The following EIF2B2 variants were observed in gnomAD, a reference collection of about 807,000 sequenced individuals.
EIF2B2 encodes eukaryotic translation initiation factor 2B subunit beta.
Under a neutral mutation model 34.7 loss-of-function variants are expected in EIF2B2, and 34 were observed. That is an observed-to-expected ratio of 0.98 (90% CI 0.75 to 1.31). The LOEUF (loss-of-function observed/expected upper bound fraction) is 1.31. Among genes scored for constraint, EIF2B2 ranks in the 50% most tolerant of loss-of-function variants. The pLI is 0.00. For synonymous variants in EIF2B2, 155 were observed against 171.6 expected (o/e 0.90, Z 0.76); for missense variants, 361 against 447.7 (o/e 0.81, Z 1.75).
chr14:75,006,453 C>A lies in EIF2B2; in HGVS notation c.694-124C>A. ...TGTATTGAGCCAGGGATCCCTTCAC[C>A]TCTACCAGTCTGTGACCCCTCACGA... On this transcript the variant is annotated intron_variant, in intron 5 of 7. Coordinates refer to ENST00000266126, the MANE Select transcript of EIF2B2 (RefSeq NM_014239.4). The surrounding 1 kb of genome is among the most constrained non-coding windows in gnomAD (Gnocchi z 4.1). The A allele has an allele frequency of 7.3e-7, 1 of 1,375,744 alleles. No homozygotes were observed. The highest frequency in any genetic ancestry group is 1.0e-6 in the Non-Finnish European group (1 of 989,932). The allele number at this position is 1,375,744 out of a possible 1,614,324, so 85.2% of individuals were successfully genotyped here.
At position 75,006,951 on chromosome 14, in the gene EIF2B2, G is replaced by C; in HGVS notation, c.831+237G>C. On this transcript the variant is annotated intron_variant, in intron 6 of 7. Transcript: ENST00000266126. This position sits in a 1 kb window ranked among gnomAD's most constrained non-coding sequence, Gnocchi z 4.1. ...AGATTGTAAGGACAATATGTAGTTGGGAAAGGTCCTTTGCTTACGATTGCC... is the reference window on the plus strand; with the variant it reads ...AGATTGTAAGGACAATATGTAGTTGCGAAAGGTCCTTTGCTTACGATTGCC... The C allele has an allele frequency of 1.5e-6, 1 of 688,944 alleles. No individual in the cohort carries two copies. The highest frequency in any genetic ancestry group is 1.5e-5 in the South Asian group (1 of 67,334). 42.7% of individuals were successfully genotyped at this position (688,944 alleles called of 1,614,324 possible). A position where few individuals can be genotyped will look rare whatever the true frequency, so the allele number is the denominator to read the frequency against.
At chr14:75,005,370 C>T (rs559871451) in intron 4 of EIF2B2, among the ~76,000 whole-genome samples, 2 of 149,300 alleles carry the variant, frequency 1.3e-5, no homozygotes, top group East Asian at 2.0e-4. Context: ...GAGCAAGACT[C>T]TGTCTCAAAA....
In EIF2B2 at chr14:75,006,322, C is replaced by T; in HGVS notation, c.694-255C>T. 1.7e-6 allele frequency: 1 copy of T among 583,288 alleles called. No homozygotes were observed. Among genetic ancestry groups the T allele is most frequent in the Non-Finnish European group, 3.0e-6 (1 of 331,218 alleles). 36.1% of individuals were successfully genotyped at this position (583,288 alleles called of 1,614,324 possible). A position where few individuals can be genotyped will look rare whatever the true frequency, so the allele number is the denominator to read the frequency against. On this transcript the variant is annotated intron_variant, in intron 5 of 7. Coordinates refer to ENST00000266126, the MANE Select transcript of EIF2B2 (RefSeq NM_014239.4). This position sits in a 1 kb window ranked among gnomAD's most constrained non-coding sequence, Gnocchi z 4.1. ...ATTCCTGGCTTCTCAGAAGGTATGG[C>T]ATCTCAATTTCCAGAAAATATGGGA...
In EIF2B2 at chr14:75,006,518, A is replaced by T. The variant is rs145488081; in HGVS notation, c.694-59A>T. Reference sequence around the variant, plus strand: ...TCTAAGCATTTAGCTTTTTGTGGCCAGTGGCCCTTTTAGGGCTCCACCCCC... The same window carrying T: ...TCTAAGCATTTAGCTTTTTGTGGCCTGTGGCCCTTTTAGGGCTCCACCCCC... On this transcript the variant is annotated intron_variant, in intron 5 of 7. Coordinates refer to ENST00000266126, the MANE Select transcript of EIF2B2 (RefSeq NM_014239.4). This position sits in a 1 kb window ranked among gnomAD's most constrained non-coding sequence, Gnocchi z 4.1. The T allele has an allele frequency of 0.023, 37,000 of 1,607,278 alleles. 506 individuals are homozygous for T. Among genetic ancestry groups the T allele is most frequent in the Middle Eastern group, 0.03 (172 of 5,814 alleles).
chr14:75,003,435 C>T, intron 2 of EIF2B2, 40 bp downstream of exon 2: 1 of 1,613,958 alleles, frequency 6.2e-7, no homozygotes, highest in Non-Finnish European at 8.5e-7. Flanking sequence ...GATCCAGTGA[C>T]ACTTTTTGCA....
Position 75,011,600 on chromosome 14 carries a change from A to T in EIF2B2, c.*2412A>T, listed in dbSNP as rs1317535781. On this transcript the variant is annotated 3_prime_UTR_variant, in exon 8 of 8. Coordinates refer to ENST00000266126, the MANE Select transcript of EIF2B2 (RefSeq NM_014239.4). ...GTCTTCCAGAGAGGGGAAAAAAGTAAGACCTCAGAAAGTCGGCATTTTACA... is the reference window on the plus strand; with the variant it reads ...GTCTTCCAGAGAGGGGAAAAAAGTATGACCTCAGAAAGTCGGCATTTTACA... 1 of 152,232 alleles carries T rather than the reference A, an allele frequency of 6.6e-6. No homozygotes were observed. The highest frequency in any genetic ancestry group is 1.5e-5 in the Non-Finnish European group (1 of 68,042). 9.4% of individuals were successfully genotyped at this position (152,232 alleles called of 1,614,324 possible).
At chr14:75,007,926 G>C (rs1889651552) in intron 7 of EIF2B2, 138 bp downstream of exon 7, 1 of 807,842 alleles carries the variant, frequency 1.2e-6, no homozygotes. Context: ...CATACTTCTT[G>C]TGGGGACTGT....
Position 75,009,357 on chromosome 14 carries a change from C to T in EIF2B2, c.*169C>T, listed in dbSNP as rs566966733. On this transcript the variant is annotated 3_prime_UTR_variant, in exon 8 of 8. Transcript: ENST00000266126. ...CTTTTTAGTCACCCCGTAACAAGGG[C>T]ACACATCCAGGACTGTGTCTTGCCT... 837 of 756,548 alleles carry T rather than the reference C, an allele frequency of 1.1e-3. 1 individual carries two copies. Among genetic ancestry groups the T allele is most frequent in the Admixed American group, 1.8e-3 (91 of 49,542 alleles). 46.9% of individuals were successfully genotyped at this position (756,548 alleles called of 1,614,324 possible). A position where few individuals can be genotyped will look rare whatever the true frequency, so the allele number is the denominator to read the frequency against.
rs150937766 is a variant in EIF2B2 at position 75,008,427 on chromosome 14, A to G, written c.899-604A>G. 4.4e-5 allele frequency: 8 copies of G among 181,290 alleles called. No homozygotes were observed. In the East Asian group the frequency reaches 8.2e-4, roughly 19 times the overall value. 11.2% of individuals were successfully genotyped at this position (181,290 alleles called of 1,614,324 possible). On this transcript the variant is annotated intron_variant, in intron 7 of 7. Transcript: ENST00000266126. ...AAGAAATAGTTATTGAGCACCTACA[A>G]TGTATCCAGCACTCTTCTAGGCACT... is the stretch of plus-strand genomic sequence containing the variant.
At chr14:75,007,848 A>G (rs1889650314) in intron 7 of EIF2B2, 60 bp downstream of exon 7, 1 of 1,548,522 alleles carries the variant, frequency 6.5e-7, no homozygotes, top group East Asian at 2.2e-5. Context: ...TTGTGTGTGC[A>G]TGTGTTTTGG....
chr14:75,007,643 A>AT (rs1418857233), intron 6 of EIF2B2, 79 bp from the exon 7 acceptor site: 6 of 1,207,662 alleles, frequency 5.0e-6, no homozygotes, highest in Non-Finnish European at 7.3e-6. Flanking sequence ...CTGTGTGGAC[A>AT]TATGTTTTCA....
At chr14:75,003,222 C>T in intron 1 of EIF2B2, 53 bp from the exon 2 acceptor site, 1 of 1,613,390 alleles carries the variant, frequency 6.2e-7, no homozygotes, top group Non-Finnish European at 8.5e-7. Flanking sequence ...CTGAAAATTT[C>T]CCAGGCCTCA....
chr14:75,007,566 A>G, intron 6 of EIF2B2, 156 bp from the exon 7 acceptor site: 1 of 618,586 alleles, frequency 1.6e-6, no homozygotes, highest in South Asian at 1.8e-5. Flanking sequence ...GTTTATGGGC[A>G]TTTGGGTTGG....
rs1025341985 is a variant in EIF2B2, at chr14:75,004,015, C to T, written c.433+316C>T. On this transcript the variant is annotated intron_variant, in intron 3 of 7. Coordinates refer to ENST00000266126, the MANE Select transcript of EIF2B2 (RefSeq NM_014239.4). ...AGAGCCAAGGTCGATAGACCTCCTT[C>T]ACTATCTGAATTTTTATACACACGT... is the stretch of plus-strand genomic sequence containing the variant. Among the ~76,000 whole-genome samples, 6 of 152,340 alleles carry T rather than the reference C, an allele frequency of 3.9e-5. No homozygotes were observed. In the East Asian group the frequency reaches 9.6e-4, roughly 24 times the overall value.
In EIF2B2 at chr14:75,009,226, T is replaced by C. The variant is rs750077642; in HGVS notation, c.*38T>C. 24 of 1,612,048 alleles carry C rather than the reference T, an allele frequency of 1.5e-5. No homozygotes were observed. In the South Asian group the frequency reaches 2.4e-4, roughly 16 times the overall value. On this transcript the variant is annotated 3_prime_UTR_variant, in exon 8 of 8. Coordinates refer to ENST00000266126, the MANE Select transcript of EIF2B2 (RefSeq NM_014239.4). ...GTCCTAAGCAGATTGCTTAGGCAGA[T>C]ACAGAATGAAGAGGAGACTTGAGTG...
chr14:75,003,003 G>A lies in EIF2B2; in HGVS notation c.13G>A (p.Ala5Thr), dbSNP rs1225416670. MPGS[A>T]AKGSELSERI... ...AGCTACCTTAAAGATGCCGGGATCCGCAGCGAAGGGCTCGGAGTTGTCAGA... is the reference window on the plus strand; with the variant it reads ...AGCTACCTTAAAGATGCCGGGATCCACAGCGAAGGGCTCGGAGTTGTCAGA... Residue 5 changes from alanine to threonine, a missense_variant, in exon 1 of 8, where the codon GCA (alanine) becomes ACA (threonine). By Grantham distance (58) the Ala-to-Thr change is moderately conservative. Coordinates refer to ENST00000266126, the MANE Select transcript of EIF2B2 (RefSeq NM_014239.4). The A allele has an allele frequency of 7.4e-6, 12 of 1,614,026 alleles. No homozygotes were observed. Among genetic ancestry groups the A allele is most frequent in the African/African-American group, 2.7e-5 (2 of 74,940 alleles).
chr14:75,005,830 C>T lies in EIF2B2; in HGVS notation c.598-36C>T, dbSNP rs193280751. 1.5e-4 allele frequency: 235 copies of T among 1,520,072 alleles called. No homozygotes were observed. The African/African-American group carries it at 2.9e-3, about 19-fold the overall frequency. The allele number at this position is 1,520,072 out of a possible 1,614,324, so 94.2% of individuals were successfully genotyped here. A position where few individuals can be genotyped will look rare whatever the true frequency, so the allele number is the denominator to read the frequency against. On this transcript the variant is annotated intron_variant, in intron 4 of 7. Transcript: ENST00000266126. ...AGAGCACTTTTCACTATTTCTCACT[C>T]TTTCTCTTAGAATCAGCCTTTCCCT...
In EIF2B2 at chr14:75,009,852, T is replaced by A. The variant is rs544146931; in HGVS notation, c.*664T>A. On this transcript the variant is annotated 3_prime_UTR_variant, in exon 8 of 8. Transcript: ENST00000266126. ...ATCCTGTCTCTACAAAAAAATATTT[T>A]AAAAAATTAGCCAGACATGGTGGCA... is the stretch of plus-strand genomic sequence containing the variant. 2.1e-4 allele frequency: 32 copies of A among 154,100 alleles called. No individual in the cohort carries two copies. In the South Asian group the frequency reaches 5.9e-3, roughly 28 times the overall value. The allele number at this position is 154,100 out of a possible 1,614,324, so 9.5% of individuals were successfully genotyped here. A position where few individuals can be genotyped will look rare whatever the true frequency, so the allele number is the denominator to read the frequency against.
At position 75,007,720 on chromosome 14, in the gene EIF2B2, A is replaced by G. The variant is rs752278683; in HGVS notation, c.832-2A>G. On this transcript the variant is annotated splice_acceptor_variant, in intron 6 of 7. Transcript: ENST00000266126. LOFTEE classifies it high-confidence loss of function. ...AGTTTTTATAAATTTTTTCCTTTTT[A>G]GTTCCCCAATGAAGAAGACTCATTT... 13 of 1,613,298 alleles carry G rather than the reference A, an allele frequency of 8.1e-6. No individual in the cohort carries two copies. The South Asian group carries it at 1.4e-4, about 18-fold the overall frequency.
Sources: gnomAD v4.1 joint callset for allele counts (sites outside exome capture counted in the v4.1 genomes callset) on GRCh38, gnomAD v4.1.1 for gene constraint, Gnocchi (gnomAD v3.1) non-coding constraint, MANE v1.5 for transcripts, NCBI Gene and HGNC (gene_info 2026-07-23, HGNC 2026-07-21) for gene names.